The following IL21 variants were observed in gnomAD, a reference collection of about 807,000 sequenced individuals.
IL21 encodes interleukin 21.
In IL21, 3 loss-of-function variants were observed where a neutral mutation model predicts 18.4. The observed-to-expected ratio is 0.16, with a 90% CI of 0.07 to 0.42. The LOEUF is 0.42. IL21 is among the 10% of genes least tolerant of loss of function. The pLI, the probability that IL21 is intolerant of heterozygous loss-of-function variation, is 0.99. For missense variants in IL21, 130 were observed against 188.4 expected (o/e 0.69, Z 1.81); for synonymous variants, 37 against 62.0 (o/e 0.60, Z 1.90).
rs1336417434 is a variant in IL21, at chr4:122,615,588, G to C, written c.360+94C>G. ...ATAACTATAGGTAAGGAAGACACCA[G>C]CAGCCCTGGCTACAGGTGTGTGTGT... is the stretch of plus-strand genomic sequence containing the variant. On this transcript the variant is annotated intron_variant, in intron 3 of 4. Coordinates refer to ENST00000648588, the MANE Select transcript of IL21 (RefSeq NM_021803.4). 29 of 1,127,714 alleles carry C rather than the reference G, an allele frequency of 2.6e-5. No homozygotes were observed. In the Admixed American group the frequency reaches 3.7e-4, roughly 15 times the overall value. The allele number at this position is 1,127,714 out of a possible 1,614,324, so 69.9% of individuals were successfully genotyped here. A position where few individuals can be genotyped will look rare whatever the true frequency, so the allele number is the denominator to read the frequency against.
chr4:122,614,705 C>CA (rs901331926), intron 3 of IL21, among the ~76,000 whole-genome samples: 232 of 147,718 alleles, frequency 1.6e-3, no homozygotes, highest in African/African-American at 5.1e-3. Flanking sequence ...GACTCTGTCT[C>CA]AAAAAAAAAA....
chr4:122,613,185 A>T (rs1243708822), intron 3 of IL21, among the ~76,000 whole-genome samples: 1 of 151,188 alleles, frequency 6.6e-6, no homozygotes, highest in Non-Finnish European at 1.5e-5. Context: ...CATTTACATT[A>T]TTTATACCAG....
intron 3 of IL21, among the ~76,000 whole-genome samples, chr4:122,614,141 G>T (rs1258133597): frequency 6.6e-6 from 1 of 152,086 alleles, no homozygotes; most frequent in Non-Finnish European, 1.5e-5. Context: ...GGAACTTGGG[G>T]CTAGTGACTT....
At chr4:122,616,188 T>C (rs1799335282) in intron 2 of IL21, among the ~76,000 whole-genome samples, 1 of 152,246 alleles carries the variant, frequency 6.6e-6, no homozygotes, top group Admixed American at 6.5e-5. Flanking sequence ...CTCTAAAACT[T>C]ACACTGTGAC....
intron 3 of IL21, among the ~76,000 whole-genome samples, chr4:122,614,993 G>T (rs1799316719): frequency 6.6e-6 from 1 of 152,106 alleles, no homozygotes; most frequent in Non-Finnish European, 1.5e-5. Flanking sequence ...CTCTTTTCTT[G>T]TTAGAAAGCT....
At chr4:122,615,377 T>C (rs1347926236) in intron 3 of IL21, among the ~76,000 whole-genome samples, 1 of 151,940 alleles carries the variant, frequency 6.6e-6, no homozygotes, top group Non-Finnish European at 1.5e-5. Flanking sequence ...AAAACAAAAT[T>C]AGCCGGGCAT....
intron 2 of IL21, among the ~76,000 whole-genome samples, chr4:122,618,289 T>G (rs17880991): frequency 1.5e-3 from 221 of 152,030 alleles, no homozygotes; most frequent in African/African-American, 5.0e-3. Context: ...GGGCTTTTTT[T>G]TTTTTCTTTT....
chr4:122,614,077 T>C (rs748927335), intron 3 of IL21, among the ~76,000 whole-genome samples: 9 of 152,224 alleles, frequency 5.9e-5, no homozygotes, highest in Non-Finnish European at 1.3e-4. Flanking sequence ...AGTGAGAGCA[T>C]TTCACTAAAA....
chr4:122,617,484 G>A (rs1002906040), intron 2 of IL21, among the ~76,000 whole-genome samples: 6 of 152,196 alleles, frequency 3.9e-5, no homozygotes, highest in African/African-American at 1.4e-4. Context: ...ATTTACATGT[G>A]TATGCTGAAA....
rs1199782057 is a variant in IL21, at chr4:122,612,931, A to G, written c.361-3T>C. 5 of 1,555,502 alleles carry G rather than the reference A, an allele frequency of 3.2e-6. No individual in the cohort carries two copies. The highest frequency in any genetic ancestry group is 1.4e-5 in the African/African-American group (1 of 72,618). On this transcript the variant is annotated splice_region_variant and splice_polypyrimidine_tract_variant and intron_variant, in intron 3 of 4. Transcript: ENST00000648588. ...TAAGAATCACATGAAGGGCATGTCT[A>G]GAAATCAATGAAAAAGTAACAGTCT...
In IL21 at chr4:122,612,580, G is replaced by T; in HGVS notation, c.*130C>A. 1 of 652,014 alleles carries T rather than the reference G, an allele frequency of 1.5e-6. No individual in the cohort carries two copies. The highest frequency in any genetic ancestry group is 1.9e-5 in the South Asian group (1 of 53,020). The allele number at this position is 652,014 out of a possible 1,614,324, so 40.4% of individuals were successfully genotyped here. On this transcript the variant is annotated 3_prime_UTR_variant, in exon 5 of 5. Coordinates refer to ENST00000648588, the MANE Select transcript of IL21 (RefSeq NM_021803.4). Reference sequence around the variant, plus strand: ...ATAGTGATTATGGGGAAATAATCCTGACTTTGCACACTTATGAGTTTTTTT... The same window carrying T: ...ATAGTGATTATGGGGAAATAATCCTTACTTTGCACACTTATGAGTTTTTTT...
At chr4:122,615,978 C>T (rs2150686709) in intron 2 of IL21, 141 bp from the exon 3 acceptor site, 1 of 682,712 alleles carries the variant, frequency 1.5e-6, no homozygotes, top group Middle Eastern at 4.2e-4. Flanking sequence ...ATGATTTCAC[C>T]TCCTACTTAA....
intron 2 of IL21, among the ~76,000 whole-genome samples, chr4:122,618,771 A>C (rs985050938): frequency 1.5e-5 from 2 of 132,508 alleles, no homozygotes; most frequent in African/African-American, 5.8e-5. Context: ...GCACCACTGC[A>C]CTCCAGCCTA....
intron 2 of IL21, chr4:122,618,978 A>G (rs1001233888): frequency 6.6e-6 from 1 of 152,078 alleles, no homozygotes; most frequent in African/African-American, 2.4e-5. Context: ...TACCTACTAG[A>G]TGCCAGTAGC....
In IL21 at chr4:122,612,676, T is replaced by A. The variant is rs1407699350; in HGVS notation, c.*34A>T. 2 of 1,354,008 alleles carry A rather than the reference T, an allele frequency of 1.5e-6. No individual in the cohort carries two copies. Among genetic ancestry groups the A allele is most frequent in the Non-Finnish European group, 2.1e-6 (2 of 944,432 alleles). 83.9% of individuals were successfully genotyped at this position (1,354,008 alleles called of 1,614,324 possible). The stretch of plus-strand genomic sequence containing the variant: ...AATGACTTTCACTACTATATTAGAG[T>A]ATGTAACATAGTGTCCAACTGCAAG... On this transcript the variant is annotated 3_prime_UTR_variant, in exon 5 of 5. Transcript: ENST00000648588.
rs1334842303 is a variant in IL21, at chr4:122,611,063, G to C, written c.*1647C>G. On this transcript the variant is annotated 3_prime_UTR_variant, in exon 5 of 5. Coordinates refer to ENST00000648588, the MANE Select transcript of IL21 (RefSeq NM_021803.4). ...TTTAAATATGAAATACAATATCCAA[G>C]AAGTTAATAGCTATACATTCAGAAA... is the stretch of plus-strand genomic sequence containing the variant. 6.6e-6 allele frequency among the ~76,000 whole-genome samples: 1 copy of C among 152,128 alleles called. No individual in the cohort carries two copies. The highest frequency in any genetic ancestry group is 1.9e-4 in the East Asian group (1 of 5,196).
At chr4:122,616,348 C>G (rs1018559595) in intron 2 of IL21, among the ~76,000 whole-genome samples, 2 of 152,132 alleles carry the variant, frequency 1.3e-5, no homozygotes, top group African/African-American at 4.8e-5. Context: ...AGTTAATGAT[C>G]AACATATATT....
In IL21 at chr4:122,620,693, G is replaced by A; in HGVS notation, c.204+8C>T. On this transcript the variant is annotated splice_region_variant and intron_variant, in intron 2 of 4. Transcript: ENST00000648588. ...TGTATTTTCAGAAATAAATTCAACT[G>A]GTCTTACCTCTACATCTTCTGGAGC... 6.2e-7 allele frequency: 1 copy of A among 1,610,810 alleles called. No homozygotes were observed. The highest frequency in any genetic ancestry group is 8.5e-7 in the Non-Finnish European group (1 of 1,178,502).
At chr4:122,619,111 A>G (rs1371794166) in intron 2 of IL21, 2 of 152,182 alleles carry the variant, frequency 1.3e-5, no homozygotes, top group African/African-American at 4.8e-5. Flanking sequence ...CGGAAAGAAA[A>G]AGAGAAAAAG....
Sources: gnomAD v4.1 joint callset for allele counts (sites outside exome capture counted in the v4.1 genomes callset) on GRCh38, gnomAD v4.1.1 for gene constraint, MANE v1.5 for transcripts, NCBI Gene and HGNC (gene_info 2026-07-23, HGNC 2026-07-21) for gene names.